Variants in TACC2 observed in about 807,000 individuals in gnomAD.
The protein encoded by TACC2 is transforming acidic coiled-coil containing protein 2, also known as transforming acidic coiled-coil-containing protein 2.
TACC2 carries 137 observed loss-of-function variants against 227.3 expected under a neutral mutation model. The ratio of observed to expected loss-of-function variants is 0.60; its 90% confidence interval spans 0.52 to 0.69. The LOEUF (loss-of-function observed/expected upper bound fraction) is 0.69, where lower values mean the gene tolerates loss of function less well. TACC2 is among the 30% of genes least tolerant of loss of function. TACC2 has a pLI of 0.00. For synonymous variants in TACC2, 1,523 were observed against 1,487.5 expected, an observed-to-expected ratio of 1.02 and a Z score of -0.55; for missense variants, 3,470 against 3,694.4, an observed-to-expected ratio of 0.94 and a Z score of 1.57.
intron 3 of TACC2, among the ~76,000 whole-genome samples, chr10:122,073,126 A>AAAT (rs1383487943): frequency 3.8e-4 from 27 of 70,998 alleles, no homozygotes; most frequent in African/African-American, 1.3e-3. Context: ...AAAAAAAAAA[A>AAAT]ATATATATAT....
chr10:122,249,148 A>C lies in TACC2; in HGVS notation c.8652A>C (p.Lys2884Asn), dbSNP rs1213968702. The C allele has an allele frequency of 1.2e-6, 2 of 1,609,674 alleles. No homozygotes were observed. The highest frequency in any genetic ancestry group is 1.7e-6 in the Non-Finnish European group (2 of 1,178,638). Reference sequence around the variant, plus strand: ...CCCTGAAGGTGCACGCGGAGGAGAAACTGGACAGGTAACATTTAGCCACTG... The same window carrying C: ...CCCTGAAGGTGCACGCGGAGGAGAACCTGGACAGGTAACATTTAGCCACTG... ...YQALKVHAEE[K>N]LDRANAEIAQ... Residue 2884 changes from lysine to asparagine, a missense_variant, in exon 21 of 23, where the codon AAA (lysine) becomes AAC (asparagine). Around this residue, in one of 10 missense-constraint regions of TACC2, gnomAD observed 89 missense variants for 91.4 expected, o/e 0.97. Coordinates refer to ENST00000369005, the MANE Select transcript of TACC2 (RefSeq NM_206862.4).
At chr10:122,230,756 A>ACC in intron 16 of TACC2, among the ~76,000 whole-genome samples, 1 of 152,326 alleles carries the variant, frequency 6.6e-6, no homozygotes, top group South Asian at 2.1e-4. Context: ...ACTGGTTAGC[A>ACC]CCAATTCAAC....
rs1364004763 is a variant in TACC2, at chr10:122,132,688, C to A, written c.5653C>A (p.His1885Asn). ...CCCAACCTTAGCTGCCTCTTCCTAC[C>A]ACGGTGATGTTGTTGGCCAGGTCTC... ...ESPTLAASSY[H>N]GDVVGQVSTD... The change falls in exon 6 of 23, where the codon CAC becomes AAC. Residue 1885 changes from histidine (H) to asparagine (N), a missense_variant. His to Asn is a moderately conservative substitution (Grantham distance 68). Around this residue, in one of 10 missense-constraint regions of TACC2, gnomAD observed 1,924 missense variants for 1,978.3 expected, o/e 0.97. Coordinates refer to ENST00000369005, the MANE Select transcript of TACC2 (RefSeq NM_206862.4). 1 of 1,614,208 alleles carries A rather than the reference C, an allele frequency of 6.2e-7. No individual in the cohort carries two copies. Among genetic ancestry groups the A allele is most frequent in the Non-Finnish European group, 8.5e-7 (1 of 1,180,034 alleles).
chr10:122,122,935 A>G (rs11200414), intron 5 of TACC2, among the ~76,000 whole-genome samples: 100,080 of 152,076 alleles, frequency 0.66, 37,062 homozygotes, highest in South Asian at 0.82. Context: ...GCATGCTTGC[A>G]ACATAGATGA....
intron 2 of TACC2, chr10:122,023,571 C>T (rs1957591613): frequency 6.6e-6 from 1 of 151,928 alleles, no homozygotes; most frequent in African/African-American, 2.4e-5. Context: ...CATATATTCT[C>T]ACTCATAGGT....
chr10:122,097,856 G>A (rs1318205204), intron 5 of TACC2, among the ~76,000 whole-genome samples: 1 of 152,088 alleles, frequency 6.6e-6, no homozygotes, highest in African/African-American at 2.4e-5. Flanking sequence ...AGCTGCAGGG[G>A]GGCTTCTGGG....
At chr10:122,223,247 G>A (rs1454926084) in intron 11 of TACC2, among the ~76,000 whole-genome samples, 3 of 151,882 alleles carry the variant, frequency 2.0e-5, no homozygotes, top group Non-Finnish European at 4.4e-5. Context: ...GGTTGGCCAG[G>A]TTGTTCTTGA....
At chr10:122,055,593 A>G (rs1247418268) in intron 3 of TACC2, among the ~76,000 whole-genome samples, 1 of 152,204 alleles carries the variant, frequency 6.6e-6, no homozygotes, top group Non-Finnish European at 1.5e-5. Flanking sequence ...AGGATCAGGA[A>G]TGATAACTAA....
intron 5 of TACC2, among the ~76,000 whole-genome samples, chr10:122,097,410 A>G (rs2081570857): frequency 6.6e-6 from 1 of 151,774 alleles, no homozygotes; most frequent in South Asian, 2.1e-4. Flanking sequence ...AGAAGAAGAA[A>G]CTCAGGGGAA....
At chr10:122,007,359 G>T (rs577541256) in intron 1 of TACC2, among the ~76,000 whole-genome samples, 2 of 152,078 alleles carry the variant, frequency 1.3e-5, no homozygotes, top group South Asian at 4.2e-4. Context: ...CTGATTCAAG[G>T]TATTTTATAT....
intron 5 of TACC2, among the ~76,000 whole-genome samples, chr10:122,100,511 C>T (rs2082014553): frequency 6.6e-6 from 1 of 151,316 alleles, no homozygotes; most frequent in African/African-American, 2.4e-5. Flanking sequence ...GCAACCTCCA[C>T]CTCCTGGGTT....
chr10:122,132,768 C>T lies in TACC2; in HGVS notation c.5699+34C>T, dbSNP rs769537351. 8 of 1,611,476 alleles carry T rather than the reference C, an allele frequency of 5.0e-6. No individual in the cohort carries two copies. In the South Asian group the frequency reaches 5.5e-5, roughly 11 times the overall value. On this transcript the variant is annotated intron_variant, in intron 6 of 22. Coordinates refer to ENST00000369005, the MANE Select transcript of TACC2 (RefSeq NM_206862.4). ...GGGGCCCTGGAGCTGGTGATGAGAC[C>T]TCAGGGCCCAATCCTTGAGGCTGCC...
At chr10:122,161,748 T>G (rs1263679977) in intron 7 of TACC2, among the ~76,000 whole-genome samples, 1 of 152,252 alleles carries the variant, frequency 6.6e-6, no homozygotes, top group African/African-American at 2.4e-5. Context: ...TTTCCTCATG[T>G]ATTTTCTGAG....
At chr10:122,110,827 T>G (rs913936243) in intron 5 of TACC2, among the ~76,000 whole-genome samples, 7 of 152,198 alleles carry the variant, frequency 4.6e-5, no homozygotes, top group Non-Finnish European at 7.3e-5. Context: ...CAACACAAAT[T>G]TATTTTACTA....
intron 7 of TACC2, among the ~76,000 whole-genome samples, chr10:122,174,319 A>T (rs139898086): frequency 5.3e-4 from 80 of 152,314 alleles, no homozygotes; most frequent in African/African-American, 1.7e-3. Context: ...ACGCTTTGGC[A>T]ATACCTCCCA....
intron 3 of TACC2, among the ~76,000 whole-genome samples, chr10:122,062,510 C>G (rs2076955001): frequency 6.8e-6 from 1 of 147,568 alleles, no homozygotes; most frequent in Admixed American, 6.8e-5. Context: ...GACAGGGTTT[C>G]TCCATATTGG....
At chr10:122,105,559 C>T (rs1017543897) in intron 5 of TACC2, among the ~76,000 whole-genome samples, 3 of 152,046 alleles carry the variant, frequency 2.0e-5, no homozygotes, top group African/African-American at 4.8e-5. Context: ...GTTTTGGTTC[C>T]GTATTCCTGC....
chr10:122,072,931 A>T (rs7913619), intron 3 of TACC2, among the ~76,000 whole-genome samples: 1 of 151,024 alleles, frequency 6.6e-6, no homozygotes, highest in Non-Finnish European at 1.5e-5. Context: ...AGCCAACATG[A>T]TGAAACCCTG....
At position 122,087,715 on chromosome 10, in the gene TACC2, G is replaced by A. The variant is rs1187809613; in HGVS notation, c.5215G>A (p.Asp1739Asn). Reference sequence around the variant, plus strand: ...GAGGACATTCTCCGTTGTGGCAGGTGACTTGGTGCTGCCAGGAAGCTGTCA... The same window carrying A: ...GAGGACATTCTCCGTTGTGGCAGGTAACTTGGTGCTGCCAGGAAGCTGTCA... Reference protein sequence around the residue: ...TTRTFSVVAGDLVLPGSCQDP... With the variant: ...TTRTFSVVAGNLVLPGSCQDP... Residue 1739 changes from aspartate to asparagine, a missense_variant, in exon 4 of 23, where the codon GAC (aspartate) becomes AAC (asparagine). Around this residue, in one of 10 missense-constraint regions of TACC2, gnomAD observed 1,924 missense variants for 1,978.3 expected, o/e 0.97. Coordinates refer to ENST00000369005, the MANE Select transcript of TACC2 (RefSeq NM_206862.4). 1.2e-5 allele frequency: 19 copies of A among 1,612,292 alleles called. No homozygotes were observed. Among genetic ancestry groups the A allele is most frequent in the Non-Finnish European group, 1.5e-5 (18 of 1,179,716 alleles).
Sources: gnomAD v4.1 joint callset for allele counts (sites outside exome capture counted in the v4.1 genomes callset) on GRCh38, gnomAD v4.1.1 for gene constraint, gnomAD v4.1.1 regional missense constraint, MANE v1.5 for transcripts, NCBI Gene and HGNC (gene_info 2026-07-23, HGNC 2026-07-21) for gene names.